UBP1: variants seen among roughly 807,000 people sequenced by gnomAD.
UBP1 encodes upstream-binding protein 1.
In UBP1, 22 loss-of-function variants were observed where a neutral mutation model predicts 76.1. The ratio of observed to expected loss-of-function variants is 0.29; its 90% CI spans 0.21 to 0.41. The LOEUF is 0.41. UBP1 is among the 10% of genes least tolerant of loss of function. UBP1 has a pLI of 1.00. For synonymous variants in UBP1, 224 were observed against 237.1 expected (o/e 0.94, Z 0.51); for missense variants, 436 against 668.1 (o/e 0.65, Z 3.83).
chr3:33,411,784 T>C, intron 4 of UBP1, 97 bp from the exon 5 acceptor site: 1 of 946,382 alleles, frequency 1.1e-6, no homozygotes, highest in Non-Finnish European at 1.7e-6. Flanking sequence ...TAACTGTAAC[T>C]GCTTTGAACT....
rs776215650 is a variant in UBP1, at chr3:33,396,186, C to T, written c.1366G>A (p.Glu456Lys). 4.4e-6 allele frequency: 7 copies of T among 1,592,652 alleles called. No individual in the cohort carries two copies. In the Admixed American group the frequency reaches 5.0e-5, roughly 11 times the overall value. Residue 456 changes from glutamate to lysine, a missense_variant, in exon 13 of 16, where the codon GAG becomes AAG. Around this residue, in one of 3 missense-constraint regions of UBP1, gnomAD observed 210 missense variants for 272.8 expected, o/e 0.77. Coordinates refer to ENST00000283629, the MANE Select transcript of UBP1 (RefSeq NM_014517.5). Reference sequence around the variant, plus strand: ...CCATAGGGTGCCCCACTGCCATTCTCGCTTGCACTGCTTGCAGCTTGCTGC... The same window carrying T: ...CCATAGGGTGCCCCACTGCCATTCTTGCTTGCACTGCTTGCAGCTTGCTGC... ...GQQQAASSAS[E>K]NGSGAPYVYH...
chr3:33,397,145 A>C lies in UBP1; in HGVS notation c.1181-10T>G, dbSNP rs372440069. The C allele has an allele frequency of 1.1e-5, 17 of 1,565,120 alleles. No homozygotes were observed. The African/African-American group carries it at 1.9e-4, about 18-fold the overall frequency. ...TTTAATAAGTCGGCACCTAGAGAAG[A>C]GCAAAAATATTTTTCTCAAATAAAT... On this transcript the variant is annotated splice_polypyrimidine_tract_variant and intron_variant, in intron 11 of 15. Transcript: ENST00000283629.
intron 1 of UBP1, 137 bp downstream of exon 1, chr3:33,439,599 C>T: frequency 1.1e-6 from 1 of 929,290 alleles, no homozygotes; most frequent in Non-Finnish European, 1.6e-6. Flanking sequence ...CCCCCGACCG[C>T]CACGCGGCAG....
At chr3:33,414,073 C>A (rs1214952327) in intron 3 of UBP1, 1 of 147,520 alleles carries the variant, frequency 6.8e-6, no homozygotes. Flanking sequence ...AAGCCCCATT[C>A]TAGAAGGTTG....
chr3:33,388,552 A>G lies in UBP1; in HGVS notation c.*1779T>C, dbSNP rs2043611687. 1.3e-5 allele frequency: 2 copies of G among 152,642 alleles called. No homozygotes were observed. Among genetic ancestry groups the G allele is most frequent in the African/African-American group, 4.8e-5 (2 of 41,460 alleles). 9.5% of individuals were successfully genotyped at this position (152,642 alleles called of 1,614,324 possible). ...CTGATGAGGAATTCAAAATAAGCAC[A>G]CAGCATTAAATGACATTTATTGTTC... On this transcript the variant is annotated 3_prime_UTR_variant, in exon 16 of 16. Coordinates refer to ENST00000283629, the MANE Select transcript of UBP1 (RefSeq NM_014517.5).
intron 12 of UBP1, 150 bp downstream of exon 12, chr3:33,396,892 CAAA>C (rs1292046728): frequency 1.3e-6 from 1 of 752,944 alleles, no homozygotes; most frequent in African/African-American, 1.7e-5. Flanking sequence ...AAGGTGTACA[CAAA>C]ACAGTCTTCT....
At chr3:33,428,849 C>A (rs2045065285) in intron 1 of UBP1, among the ~76,000 whole-genome samples, 1 of 150,438 alleles carries the variant, frequency 6.6e-6, no homozygotes, top group Non-Finnish European at 1.5e-5. Context: ...TGCTCTTCAA[C>A]CCCTCTTCTC....
chr3:33,401,089 C>A, intron 9 of UBP1, 73 bp from the exon 10 acceptor site: 2 of 1,393,028 alleles, frequency 1.4e-6, no homozygotes, highest in Admixed American at 2.5e-5. Context: ...GCATTAAAAG[C>A]TGTTGCATTG....
Position 33,412,792 on chromosome 3 carries a change from T to C in UBP1, c.378A>G (p.Leu126=), listed in dbSNP as rs1165964123. Residue 126 remains leucine (L), a synonymous_variant, in exon 4 of 16, where the codon CTA becomes CTG. Coordinates refer to ENST00000283629, the MANE Select transcript of UBP1 (RefSeq NM_014517.5). ...IIRVVFHDRR[L]QYTEHQQLEG... ...CAAGTTGCTGATGCTCTGTGTATTG[T>C]AGCCGTCTGTCATGGAATACAACCC... 19 of 1,614,108 alleles carry C rather than the reference T, an allele frequency of 1.2e-5. No individual in the cohort carries two copies. The highest frequency in any genetic ancestry group is 1.6e-5 in the Non-Finnish European group (19 of 1,179,944).
intron 13 of UBP1, among the ~76,000 whole-genome samples, chr3:33,395,411 TACAA>T (rs2043935756): frequency 6.6e-6 from 1 of 152,020 alleles, no homozygotes; most frequent in Admixed American, 6.6e-5. Context: ...CATATATCCA[TACAA>T]TAAATGAGAA....
intron 5 of UBP1, among the ~76,000 whole-genome samples, chr3:33,410,348 T>A (rs1215737608): frequency 6.6e-6 from 1 of 152,220 alleles, no homozygotes; most frequent in East Asian, 1.9e-4. Context: ...CTCTGCAATA[T>A]GACAACACAA....
At chr3:33,435,090 C>T (rs1459434837) in intron 1 of UBP1, among the ~76,000 whole-genome samples, 5 of 152,196 alleles carry the variant, frequency 3.3e-5, no homozygotes, top group Admixed American at 2.0e-4. Context: ...GAAAGGTTTG[C>T]CAACCTTAGC....
chr3:33,390,817 G>A (rs1176051628), intron 15 of UBP1: 2 of 156,040 alleles, frequency 1.3e-5, no homozygotes, highest in Admixed American at 1.3e-4. Context: ...TTTTAAAACT[G>A]TATCATTCCT....
intron 1 of UBP1, among the ~76,000 whole-genome samples, chr3:33,427,983 G>C (rs1283881000): frequency 1.3e-5 from 2 of 152,244 alleles, no homozygotes; most frequent in African/African-American, 4.8e-5. Context: ...CTGAGGTCAG[G>C]AGTTCGAGAC....
At chr3:33,404,463 G>A (rs1288247669) in intron 8 of UBP1, among the ~76,000 whole-genome samples, 1 of 149,142 alleles carries the variant, frequency 6.7e-6, no homozygotes, top group Non-Finnish European at 1.5e-5. Context: ...CTCTCCCAAA[G>A]CCAAGCTAAA....
At chr3:33,434,862 T>A (rs1298976652) in intron 1 of UBP1, among the ~76,000 whole-genome samples, 1 of 151,300 alleles carries the variant, frequency 6.6e-6, no homozygotes, top group African/African-American at 2.4e-5. Context: ...AATTTTCGTA[T>A]TTTTAGTAGA....
At chr3:33,430,607 CAGA>C (rs2045096522) in intron 1 of UBP1, among the ~76,000 whole-genome samples, 1 of 152,186 alleles carries the variant, frequency 6.6e-6, no homozygotes. Flanking sequence ...GCCTCTACTG[CAGA>C]AGGTTAGAAG....
chr3:33,401,251 G>T (rs1249169226), intron 9 of UBP1, among the ~76,000 whole-genome samples: 1 of 152,136 alleles, frequency 6.6e-6, no homozygotes, highest in African/African-American at 2.4e-5. Context: ...ATCTGTACTA[G>T]TAAGAAATTC....
chr3:33,431,759 G>A (rs570376333), intron 1 of UBP1, among the ~76,000 whole-genome samples: 1 of 147,850 alleles, frequency 6.8e-6, no homozygotes, highest in Non-Finnish European at 1.5e-5. Context: ...AAAAAAAAAC[G>A]AAAAAAGACA....
Sources: allele counts gnomAD v4.1 joint callset (sites outside exome capture counted in the v4.1 genomes callset), GRCh38; gene constraint gnomAD v4.1.1; regional missense constraint gnomAD v4.1.1; transcripts MANE v1.5; gene names NCBI Gene and HGNC (gene_info 2026-07-23, HGNC 2026-07-21).